FBXO4: variants seen among roughly 807,000 people sequenced by gnomAD.
FBXO4 encodes the protein F-box protein 4, also known as F-box only protein 4.
A neutral mutation model predicts 43.7 loss-of-function variants in FBXO4; 36 were observed. The ratio of observed to expected loss-of-function variants is 0.82; its 90% CI spans 0.63 to 1.09. The LOEUF (loss-of-function observed/expected upper bound fraction) is 1.09. FBXO4 is among the 50% of genes least tolerant of loss of function. The probability of loss-of-function intolerance (pLI) is 0.00; values close to 1 mark genes in which losing one functional copy is unlikely to be tolerated. For missense variants in FBXO4, 435 were observed against 474.1 expected (o/e 0.92, Z 0.77); for synonymous variants, 180 against 165.6 (o/e 1.09, Z -0.67).
At chr5:41,932,688 G>A (rs534737860) in intron 3 of FBXO4, among the ~76,000 whole-genome samples, 38 of 152,266 alleles carry the variant, frequency 2.5e-4, no homozygotes, top group Non-Finnish European at 4.1e-4. Flanking sequence ...ATAATAGGAG[G>A]CAAGAAGATA....
At chr5:42,034,879 G>GT in the FBXO4 span, among the ~76,000 whole-genome samples, 1 of 152,076 alleles carries the variant, frequency 6.6e-6, no homozygotes, top group Admixed American at 6.6e-5. Flanking sequence ...ATTTAAAATA[G>GT]TTTTTTTCTA....
chr5:41,937,817 A>C (rs1751891065), intron 5 of FBXO4, among the ~76,000 whole-genome samples: 1 of 152,246 alleles, frequency 6.6e-6, no homozygotes, highest in South Asian at 2.1e-4. Flanking sequence ...ATGACAGAAG[A>C]GGGAAAGACA....
the FBXO4 span, among the ~76,000 whole-genome samples, chr5:41,976,292 T>A: frequency 6.6e-6 from 1 of 152,274 alleles, no homozygotes; most frequent in Non-Finnish European, 1.5e-5. Flanking sequence ...TGCAATAGTT[T>A]CCCAAAGTCT....
the FBXO4 span, among the ~76,000 whole-genome samples, chr5:41,993,244 T>G: frequency 6.6e-6 from 1 of 152,182 alleles, no homozygotes; most frequent in Non-Finnish European, 1.5e-5. Context: ...CTTATAGAGC[T>G]GTGTTGCAAC....
chr5:42,001,185 T>G, the FBXO4 span, among the ~76,000 whole-genome samples: 9 of 152,160 alleles, frequency 5.9e-5, no homozygotes, highest in Non-Finnish European at 1.2e-4. Context: ...ATTTTAACAA[T>G]ATAAATTCTT....
At chr5:42,016,340 G>A in the FBXO4 span, among the ~76,000 whole-genome samples, 1 of 151,912 alleles carries the variant, frequency 6.6e-6, no homozygotes, top group Non-Finnish European at 1.5e-5. Context: ...GATGCAGAAG[G>A]AAAGCTTTAT....
the FBXO4 span, among the ~76,000 whole-genome samples, chr5:41,974,317 CTCTATT>C: frequency 6.6e-6 from 1 of 152,044 alleles, no homozygotes; most frequent in Non-Finnish European, 1.5e-5. Context: ...TTGCCTTTTT[CTCTATT>C]TCTGTTTCTA....
downstream of FBXO4, among the ~76,000 whole-genome samples, chr5:41,945,416 AG>A (rs1752062887): frequency 6.6e-6 from 1 of 152,236 alleles, no homozygotes; most frequent in African/African-American, 2.4e-5. Context: ...CTATTTTTGT[AG>A]GGAGACCCCC....
At chr5:41,992,569 T>C in the FBXO4 span, among the ~76,000 whole-genome samples, 2 of 152,210 alleles carry the variant, frequency 1.3e-5, no homozygotes, top group Admixed American at 1.3e-4. Context: ...GGTAGACTGC[T>C]TGGGGACAGC....
chr5:42,038,254 C>A, the FBXO4 span, among the ~76,000 whole-genome samples: 1 of 151,994 alleles, frequency 6.6e-6, no homozygotes, highest in Non-Finnish European at 1.5e-5. Context: ...AAGACGACAC[C>A]TTTTAATTAA....
At chr5:41,936,808 G>A (rs947214871) in intron 5 of FBXO4, among the ~76,000 whole-genome samples, 1 of 151,984 alleles carries the variant, frequency 6.6e-6, no homozygotes, top group Non-Finnish European at 1.5e-5. Context: ...GTGAGAGTTG[G>A]GGGAATCTAT....
chr5:41,925,590 G>A (rs997231958), intron 1 of FBXO4, 92 bp downstream of exon 1: 1 of 1,017,088 alleles, frequency 9.8e-7, no homozygotes, highest in Non-Finnish European at 1.3e-6. Flanking sequence ...GGGAACTCTC[G>A]CGCCCCGGCC....
the FBXO4 span, chr5:41,967,194 C>G: frequency 8.2e-6 from 4 of 485,886 alleles, no homozygotes; most frequent in Non-Finnish European, 1.6e-5. Flanking sequence ...CTTCAAGCCT[C>G]AGCACTTTTT....
the FBXO4 span, among the ~76,000 whole-genome samples, chr5:42,015,697 T>C: frequency 9.2e-5 from 14 of 151,796 alleles, no homozygotes; most frequent in South Asian, 2.1e-4. Flanking sequence ...GGGAATTTGA[T>C]TAATCTGATA....
chr5:42,017,819 C>T, the FBXO4 span, among the ~76,000 whole-genome samples: 323 of 151,914 alleles, frequency 2.1e-3, 2 homozygotes, highest in Non-Finnish European at 4.0e-3. Flanking sequence ...TGCTATGCAC[C>T]GCATTTTCTT....
the FBXO4 span, among the ~76,000 whole-genome samples, chr5:42,019,795 T>G: frequency 1.3e-5 from 2 of 152,070 alleles, no homozygotes; most frequent in African/African-American, 4.8e-5. Flanking sequence ...AATATGTAAT[T>G]TTTTTCTACC....
chr5:41,999,495 A>ATG, the FBXO4 span, among the ~76,000 whole-genome samples: 3 of 54,942 alleles, frequency 5.5e-5, no homozygotes, highest in South Asian at 4.2e-4. Flanking sequence ...ATATATATAC[A>ATG]TATATATATG....
At chr5:41,965,942 A>G in the FBXO4 span, among the ~76,000 whole-genome samples, 1 of 152,232 alleles carries the variant, frequency 6.6e-6, no homozygotes, top group Admixed American at 6.5e-5. Flanking sequence ...AATGTGGGAC[A>G]TACACCATGG....
At chr5:41,948,974 C>T in the FBXO4 span, among the ~76,000 whole-genome samples, 1 of 152,198 alleles carries the variant, frequency 6.6e-6, no homozygotes, top group African/African-American at 2.4e-5. Flanking sequence ...ACATGATTAT[C>T]TCAATAGAGG....
Sources: gnomAD v4.1 joint callset for allele counts (sites outside exome capture counted in the v4.1 genomes callset) on GRCh38, gnomAD v4.1.1 for gene constraint, MANE v1.5 for transcripts, NCBI Gene and HGNC (gene_info 2026-07-23, HGNC 2026-07-21) for gene names.